Variants in GPC6 observed in about 807,000 individuals in gnomAD.
The protein encoded by GPC6 is glypican 6, also known as glypican-6.
In GPC6, 14 loss-of-function variants were observed where a neutral mutation model predicts 55.2. That is an observed-to-expected ratio of 0.25 (90% CI 0.17 to 0.40). The LOEUF is 0.40. Ranked by LOEUF, GPC6 falls within the 10% of genes least tolerant of loss-of-function variation. The probability of loss-of-function intolerance (pLI) is 1.00; values close to 1 mark genes in which losing one functional copy is unlikely to be tolerated. For synonymous variants in GPC6, 278 were observed against 259.6 expected, an observed-to-expected ratio of 1.07 and a Z score of -0.68; for missense variants, 641 against 708.5, an observed-to-expected ratio of 0.90 and a Z score of 1.08.
chr13:93,594,974 A>G (rs1877661637), intron 2 of GPC6, among the ~76,000 whole-genome samples: 1 of 152,116 alleles, frequency 6.6e-6, no homozygotes, highest in Admixed American at 6.6e-5. Flanking sequence ...ATTTGGGGAT[A>G]GGGAATACAA....
chr13:93,793,345 CT>C (rs1404675660), intron 2 of GPC6, among the ~76,000 whole-genome samples: 4 of 152,184 alleles, frequency 2.6e-5, no homozygotes, highest in Non-Finnish European at 4.4e-5. Flanking sequence ...CTGAGAAAGA[CT>C]GTGAGATACT....
chr13:93,828,694 G>A (rs1887365848), intron 2 of GPC6, among the ~76,000 whole-genome samples: 1 of 152,082 alleles, frequency 6.6e-6, no homozygotes, highest in Non-Finnish European at 1.5e-5. Context: ...TGCCACTGTA[G>A]CAACAGAATG....
intron 2 of GPC6, among the ~76,000 whole-genome samples, chr13:93,740,792 C>A (rs552254772): frequency 6.6e-6 from 1 of 151,998 alleles, no homozygotes; most frequent in Non-Finnish European, 1.5e-5. Flanking sequence ...AGAATAAATA[C>A]AAGACTCAAA....
intron 1 of GPC6, among the ~76,000 whole-genome samples, chr13:93,291,537 T>G (rs535686622): frequency 7.2e-5 from 11 of 152,250 alleles, no homozygotes; most frequent in Admixed American, 3.9e-4. Flanking sequence ...AATAATTTAC[T>G]TATTTTATTA....
At chr13:94,387,634 A>G (rs1566747138) in intron 7 of GPC6, among the ~76,000 whole-genome samples, 1 of 151,966 alleles carries the variant, frequency 6.6e-6, no homozygotes, top group Non-Finnish European at 1.5e-5. Flanking sequence ...CCCTTGTGCA[A>G]TCATCTTTGG....
At chr13:93,641,352 G>T (rs1879928147) in intron 2 of GPC6, among the ~76,000 whole-genome samples, 2 of 152,026 alleles carry the variant, frequency 1.3e-5, no homozygotes, top group Admixed American at 6.6e-5. Context: ...AAGGATTCAT[G>T]TATCAAGGTG....
chr13:93,979,384 G>C (rs988559598), intron 3 of GPC6, among the ~76,000 whole-genome samples: 4 of 149,430 alleles, frequency 2.7e-5, no homozygotes, highest in Non-Finnish European at 5.9e-5. Context: ...TTGATTAGTA[G>C]ACTACTCTTT....
chr13:94,164,267 A>G (rs1310088145), intron 4 of GPC6, among the ~76,000 whole-genome samples: 4 of 152,194 alleles, frequency 2.6e-5, no homozygotes, highest in African/African-American at 9.6e-5. Context: ...GCTACTTAAT[A>G]TTGGGATACA....
chr13:93,363,657 G>A (rs1421398371), intron 1 of GPC6, among the ~76,000 whole-genome samples: 1 of 151,770 alleles, frequency 6.6e-6, no homozygotes, highest in Admixed American at 6.6e-5. Context: ...CCCAGTAATG[G>A]GATGGCTGGG....
At chr13:93,350,198 G>T (rs996983840) in intron 1 of GPC6, among the ~76,000 whole-genome samples, 1 of 152,134 alleles carries the variant, frequency 6.6e-6, no homozygotes, top group Non-Finnish European at 1.5e-5. Context: ...ACTTTGGAAG[G>T]CTAAGGCGGG....
At chr13:93,959,846 A>G (rs935534963) in intron 3 of GPC6, among the ~76,000 whole-genome samples, 6 of 152,344 alleles carry the variant, frequency 3.9e-5, no homozygotes, top group African/African-American at 1.2e-4. Context: ...TAAAGCATAC[A>G]AATTTTAAGT....
rs555491977 is a variant in GPC6 at position 93,583,357 on chromosome 13, C to T, written c.319+37936C>T. Among the ~76,000 whole-genome samples the T allele has an allele frequency of 2.3e-3, 328 of 140,154 alleles. 2 individuals carry two copies. The highest frequency in any genetic ancestry group is 0.01 in the African/African-American group (312 of 30,550). The allele number at this position is 140,154 out of a possible 152,430, so 91.9% of individuals were successfully genotyped here. A position where few individuals can be genotyped will look rare whatever the true frequency, so the allele number is the denominator to read the frequency against. ...TGCACATTGTGTGTGTGTGTGTGCG[C>T]GCGCGCGTGCGTATGTGTGTGTATG... On this transcript the variant is annotated intron_variant, in intron 2 of 8. Coordinates refer to ENST00000377047, the MANE Select transcript of GPC6 (RefSeq NM_005708.5).
Position 93,485,434 on chromosome 13 carries a change from C to T in GPC6, c.161-59829C>T, listed in dbSNP as rs144298255. Among the ~76,000 whole-genome samples, 34 of 152,288 alleles carry T rather than the reference C, an allele frequency of 2.2e-4. No individual in the cohort carries two copies. The East Asian group carries it at 6.0e-3, about 27-fold the overall frequency. ...AGGAGTCGTAGTAAGGGACAGATTT[C>T]GGGCTCTTGAGAAGATGGAAAATAT... On this transcript the variant is annotated intron_variant, in intron 1 of 8. Coordinates refer to ENST00000377047, the MANE Select transcript of GPC6 (RefSeq NM_005708.5).
chr13:93,461,857 C>T (rs1015108153), intron 1 of GPC6, among the ~76,000 whole-genome samples: 10 of 152,168 alleles, frequency 6.6e-5, no homozygotes, highest in Admixed American at 5.2e-4. Context: ...TCCCTCTTTA[C>T]GTTATCTCAT....
intron 1 of GPC6, among the ~76,000 whole-genome samples, chr13:93,270,647 C>T (rs1023836377): frequency 1.2e-4 from 18 of 151,228 alleles, no homozygotes; most frequent in African/African-American, 4.1e-4. Context: ...TTATACCAGG[C>T]TCCCATACAT....
chr13:94,161,438 A>G (rs553253503), intron 4 of GPC6, among the ~76,000 whole-genome samples: 1 of 152,298 alleles, frequency 6.6e-6, no homozygotes, highest in Admixed American at 6.5e-5. Context: ...TGCTGTATAC[A>G]GTTAAGGTTT....
chr13:93,995,341 C>T (rs965317590), intron 3 of GPC6, among the ~76,000 whole-genome samples: 7 of 152,020 alleles, frequency 4.6e-5, no homozygotes, highest in Admixed American at 2.6e-4. Flanking sequence ...GTGTGCACCA[C>T]CACACCCAGG....
intron 3 of GPC6, among the ~76,000 whole-genome samples, chr13:93,955,425 A>G (rs1879467660): frequency 6.6e-6 from 1 of 152,152 alleles, no homozygotes; most frequent in African/African-American, 2.4e-5. Flanking sequence ...ATTCATTATT[A>G]TGCAGATTGA....
intron 3 of GPC6, among the ~76,000 whole-genome samples, chr13:94,019,245 A>G (rs1219068633): frequency 1.3e-5 from 2 of 152,064 alleles, no homozygotes; most frequent in African/African-American, 2.4e-5. Context: ...TTTACTTATT[A>G]TAGGTCTATT....
Sources: allele counts gnomAD v4.1 joint callset (sites outside exome capture counted in the v4.1 genomes callset), GRCh38; gene constraint gnomAD v4.1.1; transcripts MANE v1.5; gene names NCBI Gene and HGNC (gene_info 2026-07-23, HGNC 2026-07-21).